MZT2A: variants seen among roughly 807,000 people sequenced by gnomAD.
The protein encoded by MZT2A is mitotic-spindle organizing protein 2A.
MZT2A carries 8 observed loss-of-function variants against 12.4 expected under a neutral mutation model. The ratio of observed to expected loss-of-function variants is 0.64; its 90% confidence interval spans 0.38 to 1.16. MZT2A has a LOEUF of 1.16. Among genes scored for constraint, MZT2A ranks in the 50% most tolerant of loss-of-function variants. The pLI, the probability that MZT2A is intolerant of heterozygous loss-of-function variation, is 0.01. For missense variants in MZT2A, 181 were observed against 223.6 expected, an observed-to-expected ratio of 0.81 and a Z score of 1.22; for synonymous variants, 88 against 107.5, an observed-to-expected ratio of 0.82 and a Z score of 1.12.
At chr2:131,492,566 G>A, upstream of MZT2A, 1 of 1,185,600 alleles carries the variant, frequency 8.4e-7, no homozygotes, top group Non-Finnish European at 1.0e-6. Flanking sequence ...ACGGTGTGCT[G>A]AGCGGCGCGC....
chr2:131,492,103 G>GGCGGGGGCA, intron 1 of MZT2A, 79 bp from the exon 2 acceptor site: 4 of 1,561,220 alleles, frequency 2.6e-6, no homozygotes, highest in African/African-American at 2.7e-5. Context: ...CAAGGACGGG[G>GGCGGGGGCA]GCGGGGGCAG....
Position 131,477,824 on chromosome 2 carries a change from C to A in MZT2A, c.279-5642G>T, listed in dbSNP as rs187671455. ...CCTTATCCTTTGATCAGGACATAATCAAAAACTGCTACATATTCTTCAGAG... is the reference window on the plus strand; with the variant it reads ...CCTTATCCTTTGATCAGGACATAATAAAAAACTGCTACATATTCTTCAGAG... On this transcript the variant is annotated intron_variant and NMD_transcript_variant, in intron 2 of 4. Transcript: ENST00000427024. Among the ~76,000 whole-genome samples, 5 of 152,186 alleles carry A rather than the reference C, an allele frequency of 3.3e-5. No homozygotes were observed. The East Asian group carries it at 7.7e-4, about 24-fold the overall frequency.
downstream of MZT2A, among the ~76,000 whole-genome samples, chr2:131,481,916 C>T (rs1678877518): frequency 6.6e-6 from 1 of 152,230 alleles, no homozygotes; most frequent in Non-Finnish European, 1.5e-5. Context: ...CTAGTTGACC[C>T]TGTGCACTGC....
chr2:131,484,485 T>G (rs1678974995), intron 2 of MZT2A, among the ~76,000 whole-genome samples: 1 of 152,150 alleles, frequency 6.6e-6, no homozygotes, highest in African/African-American at 2.4e-5. Context: ...CAAGGGAACA[T>G]TTTGAAAGGA....
At chr2:131,473,974 C>T (rs1259508302) in intron 2 of MZT2A, among the ~76,000 whole-genome samples, 4 of 148,784 alleles carry the variant, frequency 2.7e-5, no homozygotes, top group Non-Finnish European at 5.9e-5. Flanking sequence ...CAGTCACACG[C>T]CTTGTACTCA....
chr2:131,492,182 T>A (rs1441005655), intron 1 of MZT2A, 25 bp downstream of exon 1: 5 of 1,541,410 alleles, frequency 3.2e-6, no homozygotes, highest in Non-Finnish European at 8.7e-7. Context: ...CTGGCGAGCA[T>A]GCGGCCCCCA....
chr2:131,491,493 A>G, intron 2 of MZT2A: 6 of 374,686 alleles, frequency 1.6e-5, no homozygotes, highest in Non-Finnish European at 2.5e-5. Flanking sequence ...TCTCAAACTC[A>G]TGGCCTCAAA....
chr2:131,480,704 C>T, downstream of MZT2A: 2 of 1,612,940 alleles, frequency 1.2e-6, no homozygotes, highest in Non-Finnish European at 1.7e-6. Context: ...CCATCAAGAC[C>T]AAGCGCACCA....
chr2:131,472,147 T>C (rs3101998), exon 3 of MZT2A: 248,044 of 1,221,260 alleles, frequency 0.2, 37,708 homozygotes, highest in East Asian at 0.77. Context: ...GAAATCTTGT[T>C]GAGGCGCCGC....
chr2:131,475,937 C>T (rs7571812), intron 2 of MZT2A, among the ~76,000 whole-genome samples: 2 of 144,700 alleles, frequency 1.4e-5, no homozygotes, highest in African/African-American at 2.9e-5. Flanking sequence ...AACCGCGCAG[C>T]CTTTGATGAC....
At chr2:131,492,844 A>G, upstream of MZT2A, 1 of 1,475,002 alleles carries the variant, frequency 6.8e-7, no homozygotes, top group Non-Finnish European at 9.1e-7. Flanking sequence ...CTTGCTAGGG[A>G]GAAAGTGCGT....
downstream of MZT2A, among the ~76,000 whole-genome samples, chr2:131,483,212 G>C (rs554250021): frequency 5.9e-5 from 9 of 152,220 alleles, no homozygotes; most frequent in Non-Finnish European, 1.2e-4. Context: ...TTATTGATGG[G>C]TCATGCTGGC....
At chr2:131,490,867 G>T (rs1679266442) in intron 2 of MZT2A, 12 of 1,550,092 alleles carry the variant, frequency 7.7e-6, no homozygotes, top group Admixed American at 2.0e-5. Context: ...GGGGGCTACT[G>T]TTCCTGGCAG....
upstream of MZT2A, chr2:131,492,970 C>T (rs1412803679): frequency 1.6e-5 from 24 of 1,525,056 alleles, no homozygotes; most frequent in South Asian, 6.0e-5. Flanking sequence ...GCCGGCCGGC[C>T]TTCTTCGCTT....
downstream of MZT2A, among the ~76,000 whole-genome samples, chr2:131,479,764 C>T (rs1481513834): frequency 6.6e-6 from 1 of 152,102 alleles, no homozygotes; most frequent in East Asian, 1.9e-4. Context: ...TGCTTGAACC[C>T]GGAAGGCGGA....
At chr2:131,484,612 G>A (rs1356559971) in intron 2 of MZT2A, among the ~76,000 whole-genome samples, 2 of 152,216 alleles carry the variant, frequency 1.3e-5, no homozygotes, top group African/African-American at 4.8e-5. Context: ...GCAGGGACGC[G>A]CTGCCTCATC....
At chr2:131,476,035 G>T in intron 2 of MZT2A, 2 of 1,341,938 alleles carry the variant, frequency 1.5e-6, no homozygotes, top group Non-Finnish European at 2.0e-6. Flanking sequence ...ACTGGGATCC[G>T]GCCCTCAGCC....
intron 2 of MZT2A, chr2:131,490,526 A>T: frequency 6.8e-7 from 1 of 1,460,002 alleles, no homozygotes; most frequent in Non-Finnish European, 9.0e-7. Flanking sequence ...TGGGGTCTAG[A>T]GACTGCCACA....
At chr2:131,490,195 T>G in intron 2 of MZT2A, 1 of 751,060 alleles carries the variant, frequency 1.3e-6, no homozygotes, top group East Asian at 1.2e-4. Flanking sequence ...ACCTGGAAAG[T>G]GTCCCAACTC....
Sources: allele counts gnomAD v4.1 joint callset (sites outside exome capture counted in the v4.1 genomes callset), GRCh38; gene constraint gnomAD v4.1.1; transcripts MANE v1.5; gene names NCBI Gene and HGNC (gene_info 2026-07-23, HGNC 2026-07-21).